Variants in BMP6 observed in about 807,000 individuals in gnomAD.
BMP6 encodes the protein bone morphogenetic protein 6.
In BMP6, 17 loss-of-function variants were observed where a neutral mutation model predicts 54.1. The observed-to-expected ratio is 0.31, with a 90% confidence interval of 0.22 to 0.47. BMP6 has a LOEUF of 0.47. Among genes scored for constraint, BMP6 ranks in the 20% least tolerant of loss-of-function variants. The pLI is 1.00. For missense variants in BMP6, 720 were observed against 690.4 expected (o/e 1.04, Z -0.48); for synonymous variants, 328 against 291.2 (o/e 1.13, Z -1.28).
chr6:7,726,869 C>A lies in BMP6; in HGVS notation c.-87C>A. The A allele has an allele frequency of 1.1e-6, 1 of 873,162 alleles. No homozygotes were observed. The highest frequency in any genetic ancestry group is 1.4e-6 in the Non-Finnish European group (1 of 713,122). 54.1% of individuals were successfully genotyped at this position (873,162 alleles called of 1,614,324 possible). ...GCCGAGAGGTGGCGGGGACTGCTCA[C>A]GCCAAGGGCCACAGCGGCCGCGCTC... is the stretch of plus-strand genomic sequence containing the variant. On this transcript the variant is annotated 5_prime_UTR_variant, in exon 1 of 7. Transcript: ENST00000283147.
intron 1 of BMP6, among the ~76,000 whole-genome samples, chr6:7,826,232 T>C (rs1758696622): frequency 6.6e-6 from 1 of 152,222 alleles, no homozygotes; most frequent in African/African-American, 2.4e-5. Context: ...CAGCTCCCTG[T>C]TCTCTTACTC....
At chr6:7,733,106 A>C (rs995247317) in intron 1 of BMP6, among the ~76,000 whole-genome samples, 20 of 151,924 alleles carry the variant, frequency 1.3e-4, no homozygotes, top group Non-Finnish European at 1.3e-4. Flanking sequence ...GGGTTTCACC[A>C]TGTTGGCCAG....
chr6:7,769,118 C>A (rs1757743901), intron 1 of BMP6, among the ~76,000 whole-genome samples: 1 of 152,198 alleles, frequency 6.6e-6, no homozygotes, highest in Non-Finnish European at 1.5e-5. Flanking sequence ...GTAGGAAAAA[C>A]AAAACCCAAA....
chr6:7,857,080 GTGCTCTCTGTC>G (rs968562350), intron 2 of BMP6, among the ~76,000 whole-genome samples: 24 of 152,184 alleles, frequency 1.6e-4, no homozygotes, highest in African/African-American at 5.3e-4. Context: ...TTTGGCAATG[GTGCTCTCTGTC>G]AGCCCAGTGG....
At chr6:7,868,871 C>T (rs1163833919) in intron 4 of BMP6, among the ~76,000 whole-genome samples, 1 of 152,066 alleles carries the variant, frequency 6.6e-6, no homozygotes, top group Non-Finnish European at 1.5e-5. Context: ...CACCTCTCTC[C>T]CTCTCCCTCC....
chr6:7,745,189 A>G (rs1306843825), intron 1 of BMP6, among the ~76,000 whole-genome samples: 1 of 152,232 alleles, frequency 6.6e-6, no homozygotes, highest in Non-Finnish European at 1.5e-5. Context: ...CTATGAAGGA[A>G]AAAGTGTATA....
rs1004841696 is a variant in BMP6, at chr6:7,726,451, T to G, written c.-505T>G. ...CCCTGCAACGGGGTAAACTTCATGG[T>G]GGCCCTGCGATCTGGGGAGGGGCGT... On this transcript the variant is annotated 5_prime_UTR_variant, in exon 1 of 7. Coordinates refer to ENST00000283147, the MANE Select transcript of BMP6 (RefSeq NM_001718.6). Among the ~76,000 whole-genome samples the G allele has an allele frequency of 1.3e-5, 2 of 152,114 alleles. No homozygotes were observed. The highest frequency in any genetic ancestry group is 4.8e-5 in the African/African-American group (2 of 41,434).
chr6:7,790,636 G>C (rs1446196267), intron 1 of BMP6, among the ~76,000 whole-genome samples: 1 of 151,396 alleles, frequency 6.6e-6, no homozygotes, highest in Non-Finnish European at 1.5e-5. Context: ...CCTTCTACTG[G>C]TTGATAATTT....
intron 1 of BMP6, among the ~76,000 whole-genome samples, chr6:7,807,492 AC>A (rs1561778032): frequency 6.6e-6 from 1 of 151,960 alleles, no homozygotes; most frequent in Admixed American, 6.6e-5. Flanking sequence ...TGTTGGCCAG[AC>A]TGGTCTCGAA....
At position 7,879,860 on chromosome 6, in the gene BMP6, C is replaced by A. The variant is rs1759684634; in HGVS notation, c.1282-131C>A. On this transcript the variant is annotated intron_variant, in intron 5 of 6. Coordinates refer to ENST00000283147, the MANE Select transcript of BMP6 (RefSeq NM_001718.6). ...ACTTGAATGTGAACTTGGACAAATT[C>A]CTAAGCCTTCCTGCGTCTGTATCCT... 7 of 935,474 alleles carry A rather than the reference C, an allele frequency of 7.5e-6. No homozygotes were observed. The East Asian group carries it at 1.6e-4, about 21-fold the overall frequency. 57.9% of individuals were successfully genotyped at this position (935,474 alleles called of 1,614,324 possible).
intron 1 of BMP6, among the ~76,000 whole-genome samples, chr6:7,763,308 A>C (rs540184933): frequency 6.6e-6 from 1 of 152,226 alleles, no homozygotes; most frequent in Non-Finnish European, 1.5e-5. Flanking sequence ...GTAAGTATTC[A>C]TGTAAAAAGT....
chr6:7,818,784 C>A (rs944800324), intron 1 of BMP6, among the ~76,000 whole-genome samples: 1 of 152,202 alleles, frequency 6.6e-6, no homozygotes, highest in Non-Finnish European at 1.5e-5. Context: ...TCAGGTCACA[C>A]GCCTCATGCC....
chr6:7,873,267 G>A (rs373673853), intron 4 of BMP6, among the ~76,000 whole-genome samples: 3 of 152,124 alleles, frequency 2.0e-5, no homozygotes, highest in Non-Finnish European at 4.4e-5. Context: ...TCACATTACC[G>A]CCCTTCATGT....
At position 7,879,066 on chromosome 6, in the gene BMP6, T is replaced by C; in HGVS notation, c.1205-8T>C. 6.2e-7 allele frequency: 1 copy of C among 1,613,012 alleles called. No homozygotes were observed. Among genetic ancestry groups the C allele is most frequent in the Non-Finnish European group, 8.5e-7 (1 of 1,178,984 alleles). On this transcript the variant is annotated splice_polypyrimidine_tract_variant and splice_region_variant and intron_variant, in intron 4 of 6. Transcript: ENST00000283147. ...TTGATGGGTGCATCTTTTGATCTCC[T>C]CCAACAGATTACAACAGCAGTGAAT...
intron 2 of BMP6, among the ~76,000 whole-genome samples, chr6:7,848,196 G>A (rs1759094237): frequency 6.6e-6 from 1 of 152,180 alleles, no homozygotes; most frequent in African/African-American, 2.4e-5. Context: ...ATGGAAGGGG[G>A]TCAAGCTTTG....
chr6:7,867,991 C>T (rs1301977633), intron 4 of BMP6, among the ~76,000 whole-genome samples: 3 of 152,166 alleles, frequency 2.0e-5, no homozygotes, highest in African/African-American at 7.2e-5. Flanking sequence ...AAGTCATTCC[C>T]AATCATTGCC....
At chr6:7,765,247 C>T (rs1189551754) in intron 1 of BMP6, among the ~76,000 whole-genome samples, 2 of 152,090 alleles carry the variant, frequency 1.3e-5, no homozygotes, top group Non-Finnish European at 2.9e-5. Context: ...GATTTATTCC[C>T]CCAAAAGTTT....
chr6:7,734,567 C>T (rs1171742427), intron 1 of BMP6, among the ~76,000 whole-genome samples: 1 of 152,222 alleles, frequency 6.6e-6, no homozygotes, highest in Non-Finnish European at 1.5e-5. Flanking sequence ...ATAGCATCTT[C>T]TCCAAGAACT....
chr6:7,807,352 G>C (rs1162417312), intron 1 of BMP6, among the ~76,000 whole-genome samples: 1 of 152,152 alleles, frequency 6.6e-6, no homozygotes, highest in Non-Finnish European at 1.5e-5. Context: ...GGAGTGCAGT[G>C]ACGCACTCTC....
Sources: gnomAD v4.1 joint callset for allele counts (sites outside exome capture counted in the v4.1 genomes callset) on GRCh38, gnomAD v4.1.1 for gene constraint, MANE v1.5 for transcripts, NCBI Gene and HGNC (gene_info 2026-07-23, HGNC 2026-07-21) for gene names.